The following SUPT3H variants were observed in gnomAD, a reference collection of about 807,000 sequenced individuals.
SUPT3H encodes SPT3 homolog, SAGA and STAGA complex component, also known as transcription initiation protein SPT3 homolog.
In SUPT3H, 44 loss-of-function variants were observed where a neutral mutation model predicts 44.3. The ratio of observed to expected loss-of-function variants is 0.99; its 90% CI spans 0.78 to 1.28. The LOEUF (loss-of-function observed/expected upper bound fraction) is 1.28, where lower values mean the gene tolerates loss of function less well. Among genes scored for constraint, SUPT3H ranks in the 50% most tolerant of loss-of-function variants. The pLI is 0.00. For synonymous variants in SUPT3H, 124 were observed against 125.6 expected (o/e 0.99, Z 0.09); for missense variants, 380 against 387.1 (o/e 0.98, Z 0.15).
intron 3 of SUPT3H, among the ~76,000 whole-genome samples, chr6:45,026,870 A>G (rs1254581127): frequency 6.6e-6 from 1 of 152,068 alleles, no homozygotes; most frequent in Non-Finnish European, 1.5e-5. Context: ...TTTATGTTAT[A>G]CCAAACTATT....
intron 3 of SUPT3H, among the ~76,000 whole-genome samples, chr6:45,048,648 T>G (rs1279729416): frequency 6.6e-6 from 1 of 152,044 alleles, no homozygotes; most frequent in East Asian, 1.9e-4. Flanking sequence ...AACCTAGGAG[T>G]CCATCAGTGG....
chr6:44,830,700 C>A (rs1271366406), intron 10 of SUPT3H, among the ~76,000 whole-genome samples: 1 of 152,144 alleles, frequency 6.6e-6, no homozygotes, highest in South Asian at 2.1e-4. Flanking sequence ...CTTTCCCTGG[C>A]ACATTTTTAA....
At chr6:45,200,202 AT>A (rs2153625240) in intron 2 of SUPT3H, among the ~76,000 whole-genome samples, 1 of 151,718 alleles carries the variant, frequency 6.6e-6, no homozygotes, top group African/African-American at 2.4e-5. Context: ...TTCTTATTCA[AT>A]TCTACAAATG....
At chr6:45,004,832 G>A (rs1782476864) in intron 5 of SUPT3H, among the ~76,000 whole-genome samples, 1 of 152,012 alleles carries the variant, frequency 6.6e-6, no homozygotes, top group Non-Finnish European at 1.5e-5. Flanking sequence ...CGTCAATTAG[G>A]AAGAAAAATC....
chr6:45,173,036 G>A (rs186457765), intron 2 of SUPT3H, among the ~76,000 whole-genome samples: 17 of 152,116 alleles, frequency 1.1e-4, no homozygotes, highest in Admixed American at 9.2e-4. Flanking sequence ...CAAACAAAGC[G>A]TATAGATTTC....
chr6:44,910,004 A>G (rs1766758203), intron 10 of SUPT3H, among the ~76,000 whole-genome samples: 1 of 152,204 alleles, frequency 6.6e-6, no homozygotes. Context: ...CAAAAGTCTT[A>G]AAGTGTTTCA....
chr6:45,264,234 G>A (rs146714902), intron 2 of SUPT3H, among the ~76,000 whole-genome samples: 2 of 152,244 alleles, frequency 1.3e-5, no homozygotes, highest in African/African-American at 4.8e-5. Context: ...CTTGAAATCT[G>A]TATTTTTTAG....
At chr6:44,951,888 C>A (rs1341415489) in intron 9 of SUPT3H, among the ~76,000 whole-genome samples, 1 of 152,122 alleles carries the variant, frequency 6.6e-6, no homozygotes, top group South Asian at 2.1e-4. Context: ...TACTTATACA[C>A]ATATTCATAA....
intron 10 of SUPT3H, among the ~76,000 whole-genome samples, chr6:44,895,850 A>G (rs146583753): frequency 1.7e-4 from 26 of 152,244 alleles, no homozygotes; most frequent in Admixed American, 3.3e-4. Flanking sequence ...CTTTATCCAA[A>G]TAAGTAAGAA....
intron 3 of SUPT3H, among the ~76,000 whole-genome samples, chr6:45,024,712 G>A (rs540028617): frequency 6.6e-6 from 1 of 152,270 alleles, no homozygotes; most frequent in South Asian, 2.1e-4. Flanking sequence ...ATTATTCCGG[G>A]AGTGACTATG....
chr6:44,936,664 T>G (rs768553586), intron 9 of SUPT3H, among the ~76,000 whole-genome samples: 13 of 152,170 alleles, frequency 8.5e-5, no homozygotes, highest in Non-Finnish European at 1.9e-4. Context: ...AAAAATATTA[T>G]TTCGTTCCTT....
intron 3 of SUPT3H, among the ~76,000 whole-genome samples, chr6:45,051,420 A>C (rs1179203149): frequency 6.6e-6 from 1 of 152,118 alleles, no homozygotes; most frequent in Non-Finnish European, 1.5e-5. Context: ...AAAGAAAAAG[A>C]AAAAGGTATA....
chr6:44,945,103 T>C (rs1244369298), intron 9 of SUPT3H, among the ~76,000 whole-genome samples: 2 of 152,130 alleles, frequency 1.3e-5, no homozygotes, highest in Admixed American at 6.6e-5. Context: ...TATTATTTTA[T>C]CTGTTATGGT....
At chr6:45,212,171 A>AG (rs1193016583) in intron 2 of SUPT3H, among the ~76,000 whole-genome samples, 1 of 152,080 alleles carries the variant, frequency 6.6e-6, no homozygotes, top group Non-Finnish European at 1.5e-5. Flanking sequence ...AAAAGAAAAA[A>AG]GAAAAAGAAA....
At chr6:45,297,077 TAA>T (rs373194598) in intron 2 of SUPT3H, among the ~76,000 whole-genome samples, 3,044 of 141,448 alleles carry the variant, frequency 0.022, 104 homozygotes, top group African/African-American at 0.073. Flanking sequence ...GAAATAAATT[TAA>T]AAAAAAAAAA....
At chr6:45,359,798 C>A (rs778004259) in intron 2 of SUPT3H, among the ~76,000 whole-genome samples, 1 of 152,142 alleles carries the variant, frequency 6.6e-6, no homozygotes, top group Non-Finnish European at 1.5e-5. Flanking sequence ...AATCCCAACC[C>A]TTTGGGAGGC....
intron 10 of SUPT3H, among the ~76,000 whole-genome samples, chr6:44,886,159 C>T (rs909485591): frequency 2.0e-5 from 3 of 152,052 alleles, no homozygotes; most frequent in Non-Finnish European, 2.9e-5. Context: ...CTGAAAGTGA[C>T]GGGGGAGAAT....
intron 10 of SUPT3H, among the ~76,000 whole-genome samples, chr6:44,887,377 T>C (rs1047613459): frequency 2.0e-5 from 3 of 152,140 alleles, no homozygotes; most frequent in Non-Finnish European, 4.4e-5. Flanking sequence ...AATAAAGCTC[T>C]CCTCAGCAAA....
chr6:45,221,543 T>C (rs1766056949), intron 2 of SUPT3H, among the ~76,000 whole-genome samples: 1 of 152,142 alleles, frequency 6.6e-6, no homozygotes. Flanking sequence ...AAGAGTTATA[T>C]ACTCAAAAGT....
Sources: gnomAD v4.1 joint callset for allele counts (sites outside exome capture counted in the v4.1 genomes callset) on GRCh38, gnomAD v4.1.1 for gene constraint, MANE v1.5 for transcripts, NCBI Gene and HGNC (gene_info 2026-07-23, HGNC 2026-07-21) for gene names.